SLC24A1: variants seen among roughly 807,000 people sequenced by gnomAD.
SLC24A1 encodes sodium/potassium/calcium exchanger 1.
Under a neutral mutation model 88.1 loss-of-function variants are expected in SLC24A1, and 52 were observed. That is an observed-to-expected ratio of 0.59 (90% CI 0.47 to 0.74). SLC24A1 has a LOEUF of 0.74. SLC24A1 is among the 30% of genes least tolerant of loss of function. SLC24A1 has a pLI of 0.00. For missense variants in SLC24A1, 1,173 were observed against 1,363.3 expected, an observed-to-expected ratio of 0.86 and a Z score of 2.20; for synonymous variants, 455 against 498.0, an observed-to-expected ratio of 0.91 and a Z score of 1.15.
At chr15:65,651,085 G>T (rs1307857119) in intron 7 of SLC24A1, 143 bp downstream of exon 7, 6 of 725,792 alleles carry the variant, frequency 8.3e-6, no homozygotes, top group Non-Finnish European at 1.2e-5. Context: ...TCTGGGAAGG[G>T]ACTGAAGCCT....
Position 65,654,123 on chromosome 15 carries a change from G to A in SLC24A1, c.*44G>A, listed in dbSNP as rs1169422612. 6.3e-7 allele frequency: 1 copy of A among 1,586,498 alleles called. No homozygotes were observed. The highest frequency in any genetic ancestry group is 8.6e-7 in the Non-Finnish European group (1 of 1,165,478). On this transcript the variant is annotated 3_prime_UTR_variant, in exon 10 of 10. Coordinates refer to ENST00000261892, the MANE Select transcript of SLC24A1 (RefSeq NM_004727.3). The stretch of plus-strand genomic sequence containing the variant: ...CAATGGGCATGGATCAGAAGACCAT[G>A]CAGAAGTTACTGTATCTCTTGTGAC...
At chr15:65,612,773 G>T (rs2074004835) in intron 2 of SLC24A1, among the ~76,000 whole-genome samples, 1 of 152,198 alleles carries the variant, frequency 6.6e-6, no homozygotes, top group Non-Finnish European at 1.5e-5. Flanking sequence ...TTCTGGCTCA[G>T]TTGCAGGGTC....
At chr15:65,626,567 C>CA (rs957841648) in intron 2 of SLC24A1, among the ~76,000 whole-genome samples, 6 of 152,104 alleles carry the variant, frequency 3.9e-5, no homozygotes, top group African/African-American at 1.4e-4. Flanking sequence ...TCTACTCACC[C>CA]ACTGACAAGC....
intron 6 of SLC24A1, 42 bp downstream of exon 6, chr15:65,645,745 A>T: frequency 7.0e-7 from 1 of 1,419,778 alleles, no homozygotes; most frequent in Non-Finnish European, 9.7e-7. Context: ...GGAGAGGTCT[A>T]GGGAAGGAAC....
downstream of SLC24A1, among the ~76,000 whole-genome samples, chr15:65,657,525 C>T (rs892482661): frequency 5.3e-5 from 8 of 152,190 alleles, no homozygotes; most frequent in Admixed American, 5.2e-4. Flanking sequence ...CGCCTATAGT[C>T]CCAGCTACTC....
chr15:65,628,253 C>G (rs1309987040), intron 2 of SLC24A1, among the ~76,000 whole-genome samples: 4 of 152,206 alleles, frequency 2.6e-5, no homozygotes, highest in African/African-American at 9.7e-5. Context: ...ACCACCACAC[C>G]TGGCCCCTTT....
chr15:65,619,880 G>A (rs1017895544), upstream of SLC24A1, among the ~76,000 whole-genome samples: 16 of 151,918 alleles, frequency 1.1e-4, no homozygotes, highest in African/African-American at 3.9e-4. Context: ...GGTATAAAAT[G>A]AGGCAATTTT....
At chr15:65,636,733 G>A (rs1295210245) in intron 2 of SLC24A1, among the ~76,000 whole-genome samples, 4 of 152,032 alleles carry the variant, frequency 2.6e-5, no homozygotes, top group Admixed American at 6.5e-5. Context: ...AAATTTAGCC[G>A]GATATGGTGG....
Position 65,625,559 on chromosome 15 carries a change from T to A in SLC24A1, c.1479T>A (p.Asp493Glu). The change falls in exon 2 of 10, where the codon GAT becomes GAA. Residue 493 changes from aspartate (D) to glutamate (E), a missense_variant. Physicochemically the swap from Asp to Glu is conservative, Grantham distance 45 (BLOSUM62 2). Coordinates refer to ENST00000261892, the MANE Select transcript of SLC24A1 (RefSeq NM_004727.3). The stretch of plus-strand genomic sequence containing the variant: ...CAGACAAGCTGCAGATCTCCGAGGA[T>A]GTGGCAGGCGCCACATTCATGGCTG... ...VITDKLQISE[D>E]VAGATFMAAG... The A allele has an allele frequency of 6.8e-6, 11 of 1,614,070 alleles. No individual in the cohort carries two copies. The highest frequency in any genetic ancestry group is 9.3e-6 in the Non-Finnish European group (11 of 1,179,906).
upstream of SLC24A1, among the ~76,000 whole-genome samples, chr15:65,618,694 A>C (rs189241737): frequency 6.6e-5 from 10 of 151,980 alleles, no homozygotes; most frequent in African/African-American, 2.4e-4. Context: ...GCTTACAGGG[A>C]AAAAAAAGGT....
chr15:65,621,745 T>G (rs894149492), upstream of SLC24A1, among the ~76,000 whole-genome samples: 4 of 152,174 alleles, frequency 2.6e-5, no homozygotes, highest in Middle Eastern at 3.2e-3. Context: ...GAAACAAGTT[T>G]GAGAAATCTC....
rs555536678 is a variant in SLC24A1, at chr15:65,656,081, G to T, written c.*2002G>T. 1.0e-5 allele frequency: 10 copies of T among 985,394 alleles called. No homozygotes were observed. In the South Asian group the frequency reaches 4.7e-4, roughly 46 times the overall value. The allele number at this position is 985,394 out of a possible 1,614,324, so 61.0% of individuals were successfully genotyped here. On this transcript the variant is annotated 3_prime_UTR_variant, in exon 10 of 10. Coordinates refer to ENST00000261892, the MANE Select transcript of SLC24A1 (RefSeq NM_004727.3). ...GGGAGGTCCCAATACCAAAATTCTG[G>T]GCACTAACCTGGTGTCTGCAGCCCG...
chr15:65,657,518 C>CTATA (rs2075724069), downstream of SLC24A1, among the ~76,000 whole-genome samples: 1 of 152,152 alleles, frequency 6.6e-6, no homozygotes, highest in Non-Finnish European at 1.5e-5. Flanking sequence ...TGGCAGGCGC[C>CTATA]TATAGTCCCA....
chr15:65,628,153 C>A lies in SLC24A1; in HGVS notation c.1890+2183C>A, dbSNP rs182375570. Among the ~76,000 whole-genome samples, 102 of 152,230 alleles carry A rather than the reference C, an allele frequency of 6.7e-4. No homozygotes were observed. In the East Asian group the frequency reaches 0.017, roughly 25 times the overall value. ...TTTAATATTTTGTAGAGATGGGGAC[C>A]TCACCATGTTGCCCAGGCTGGTCTC... On this transcript the variant is annotated intron_variant, in intron 2 of 9. Coordinates refer to ENST00000261892, the MANE Select transcript of SLC24A1 (RefSeq NM_004727.3).
chr15:65,634,740 C>CAAAAAAAAAAAAAAAAAAAAAAAAGAAA (rs5813364), intron 2 of SLC24A1, among the ~76,000 whole-genome samples: 1 of 90,538 alleles, frequency 1.1e-5, no homozygotes, highest in African/African-American at 4.1e-5. Flanking sequence ...TCAAAAGCAC[C>CAAAAAAAAAAAAAAAAAAAAAAAAGAAA]AAAAAAAAAA....
At position 65,650,943 on chromosome 15, in the gene SLC24A1, G is replaced by A; in HGVS notation, c.2793+1G>A. 1 of 1,613,514 alleles carries A rather than the reference G, an allele frequency of 6.2e-7. No individual in the cohort carries two copies. The highest frequency in any genetic ancestry group is 8.5e-7 in the Non-Finnish European group (1 of 1,179,474). On this transcript the variant is annotated splice_donor_variant, in intron 7 of 9. Transcript: ENST00000261892. LOFTEE classifies it high-confidence loss of function. The surrounding 1 kb of genome is among the most constrained non-coding windows in gnomAD (Gnocchi z 4.1). ...GACAGTCCCCGACGTCCGAAGGCAGGTGAGTGTGCCCATCTGTATCTCAGA... is the reference window on the plus strand; with the variant it reads ...GACAGTCCCCGACGTCCGAAGGCAGATGAGTGTGCCCATCTGTATCTCAGA...
intron 9 of SLC24A1, 26 bp from the exon 10 acceptor site, chr15:65,653,804 T>C (rs370015550): frequency 1.9e-6 from 3 of 1,610,938 alleles, no homozygotes; most frequent in African/African-American, 1.3e-5. Flanking sequence ...ATTAAGGATA[T>C]TCACATCGTT....
rs1228867916 is a variant in SLC24A1 at position 65,654,844 on chromosome 15, C to T, written c.*765C>T. 24 of 1,073,196 alleles carry T rather than the reference C, an allele frequency of 2.2e-5. No homozygotes were observed. Among genetic ancestry groups the T allele is most frequent in the East Asian group, 6.1e-5 (1 of 16,380 alleles). The allele number at this position is 1,073,196 out of a possible 1,614,324, so 66.5% of individuals were successfully genotyped here. The stretch of plus-strand genomic sequence containing the variant: ...CCTCAGCCTGAAGTCGTGATCTGCC[C>T]GCCTCGGCCTCCCAAAGTGCTGGGA... On this transcript the variant is annotated 3_prime_UTR_variant, in exon 10 of 10. Coordinates refer to ENST00000261892, the MANE Select transcript of SLC24A1 (RefSeq NM_004727.3).
chr15:65,627,473 G>T (rs2074558400), intron 2 of SLC24A1, among the ~76,000 whole-genome samples: 1 of 152,166 alleles, frequency 6.6e-6, no homozygotes, highest in African/African-American at 2.4e-5. Flanking sequence ...TATCAGAACT[G>T]GAACAGGAAC....
Sources: allele counts gnomAD v4.1 joint callset (sites outside exome capture counted in the v4.1 genomes callset), GRCh38; gene constraint gnomAD v4.1.1; non-coding constraint Gnocchi (gnomAD v3.1); transcripts MANE v1.5; gene names NCBI Gene and HGNC (gene_info 2026-07-23, HGNC 2026-07-21).